The following BRAT1 variants were observed in gnomAD, a reference collection of about 807,000 sequenced individuals.
BRAT1 encodes the protein integrator complex assembly factor BRAT1.
A neutral mutation model predicts 70.6 loss-of-function variants in BRAT1; 74 were observed. The observed-to-expected ratio is 1.05, with a 90% CI of 0.87 to 1.27. The LOEUF (loss-of-function observed/expected upper bound fraction) is 1.27. Among genes scored for constraint, BRAT1 ranks in the 50% most tolerant of loss-of-function variants. The probability of loss-of-function intolerance (pLI) is 0.00; values close to 1 mark genes in which losing one functional copy is unlikely to be tolerated. For missense variants in BRAT1, 1,203 were observed against 1,098.2 expected, an observed-to-expected ratio of 1.10 and a Z score of -1.35; for synonymous variants, 615 against 517.1, an observed-to-expected ratio of 1.19 and a Z score of -2.57.
At chr7:2,549,179 C>G (rs1018423339) in intron 2 of BRAT1, among the ~76,000 whole-genome samples, 1 of 152,066 alleles carries the variant, frequency 6.6e-6, no homozygotes, top group South Asian at 2.1e-4. Flanking sequence ...AAATCCGGTT[C>G]TCATGTTAAA....
Position 2,538,101 on chromosome 7 carries a change from A to T in BRAT1, c.2434T>A (p.Phe812Ile). Reference protein sequence around the residue: ...LLQDMLATGGFLQGDEADCY With the variant: ...LLQDMLATGGILQGDEADCY Reference sequence around the variant, plus strand: ...CAGTCGGCCTCGTCCCCCTGCAGGAAGCCTCCCGTGGCCAGCATGTCCTGC... The same window carrying T: ...CAGTCGGCCTCGTCCCCCTGCAGGATGCCTCCCGTGGCCAGCATGTCCTGC... Residue 812 changes from phenylalanine to isoleucine, a missense_variant, in exon 14 of 14, where the codon TTC becomes ATC. Transcript: ENST00000340611. 1 of 1,585,080 alleles carries T rather than the reference A, an allele frequency of 6.3e-7. No individual in the cohort carries two copies. Among genetic ancestry groups the T allele is most frequent in the Non-Finnish European group, 8.6e-7 (1 of 1,160,298 alleles).
chr7:2,544,888 G>T, intron 4 of BRAT1, 21 bp downstream of exon 4: 1 of 1,548,126 alleles, frequency 6.5e-7, no homozygotes, highest in Non-Finnish European at 8.7e-7. Context: ...GAGGAATGGG[G>T]TGGGGTGTGG....
intron 3 of BRAT1, among the ~76,000 whole-genome samples, chr7:2,546,205 C>G (rs567919986): frequency 2.2e-4 from 34 of 152,296 alleles, no homozygotes; most frequent in Middle Eastern, 6.8e-3. Flanking sequence ...CTTTGGGAGG[C>G]CGAGGCAGGA....
chr7:2,543,488 T>G lies in BRAT1; in HGVS notation c.803+102A>C. 7 of 1,482,414 alleles carry G rather than the reference T, an allele frequency of 4.7e-6. No individual in the cohort carries two copies. The highest frequency in any genetic ancestry group is 6.3e-6 in the Non-Finnish European group (7 of 1,119,612). The allele number at this position is 1,482,414 out of a possible 1,614,324, so 91.8% of individuals were successfully genotyped here. A position where few individuals can be genotyped will look rare whatever the true frequency, so the allele number is the denominator to read the frequency against. On this transcript the variant is annotated intron_variant, in intron 5 of 13. Coordinates refer to ENST00000340611, the MANE Select transcript of BRAT1 (RefSeq NM_152743.4). This position sits in a 1 kb window ranked among gnomAD's most constrained non-coding sequence, Gnocchi z 5.5. ...CCCGGTGCCGCTTCACTGCAGGCCATGTCCTCAGAGAGTCTCCGGCTGCCA... is the reference window on the plus strand; with the variant it reads ...CCCGGTGCCGCTTCACTGCAGGCCAGGTCCTCAGAGAGTCTCCGGCTGCCA...
chr7:2,539,472 C>G, intron 12 of BRAT1, 72 bp downstream of exon 12: 1 of 1,499,652 alleles, frequency 6.7e-7, no homozygotes, highest in Non-Finnish European at 9.0e-7. Context: ...CAGCAAGAGG[C>G]TGCTGGTGCA....
rs531827528 is a variant in BRAT1 at position 2,543,827 on chromosome 7, C to A, written c.566G>T (p.Gly189Val). 6.3e-5 allele frequency: 101 copies of A among 1,612,374 alleles called. 2 individuals carry two copies. The Admixed American group carries it at 1.7e-3, about 26-fold the overall frequency. ...GAEGQPCLPGGDWPACAQKIM... is the reference protein window; with the variant it reads ...GAEGQPCLPGVDWPACAQKIM... ...CTTCTGGGCACACGCGGGCCAGTCA[C>A]CCCCCGGCAGGCAGGGCTGCCCCTC... The change falls in exon 5 of 14, where the codon GGT (glycine) becomes GTT (valine). Residue 189 changes from glycine (G) to valine (V), a missense_variant. Coordinates refer to ENST00000340611, the MANE Select transcript of BRAT1 (RefSeq NM_152743.4). The surrounding 1 kb of genome is among the most constrained non-coding windows in gnomAD (Gnocchi z 5.5).
intron 4 of BRAT1, 125 bp from the exon 5 acceptor site, chr7:2,544,087 C>T: frequency 1.3e-6 from 1 of 756,422 alleles, no homozygotes; most frequent in Non-Finnish European, 1.9e-6. Flanking sequence ...AATGCCTCTC[C>T]ACTCAAAAGC....
chr7:2,539,754 G>C, intron 11 of BRAT1, 32 bp downstream of exon 11: 1 of 1,587,208 alleles, frequency 6.3e-7, no homozygotes, highest in Non-Finnish European at 8.6e-7. Context: ...TGCGACTCCA[G>C]CTCCGTTCAC....
At chr7:2,542,097 C>A (rs1282590308) in intron 7 of BRAT1, 23 bp downstream of exon 7, 2 of 1,498,296 alleles carry the variant, frequency 1.3e-6, no homozygotes, top group Admixed American at 2.3e-5. Flanking sequence ...TTCTGCCCTC[C>A]CAGCCCTTTC....
intron 9 of BRAT1, 49 bp from the exon 10 acceptor site, chr7:2,541,101 C>CCT: frequency 6.7e-7 from 1 of 1,493,228 alleles, no homozygotes; most frequent in Non-Finnish European, 8.9e-7. Context: ...ACCCTAGGAC[C>CCT]CTCCCCATCA....
In BRAT1 at chr7:2,540,860, C is replaced by A. The variant is rs75654424; in HGVS notation, c.1395+119G>T. The A allele has an allele frequency of 0.014, 14,952 of 1,065,272 alleles. 142 individuals are homozygous for A. The highest frequency in any genetic ancestry group is 0.016 in the Non-Finnish European group (12,355 of 778,960). 66.0% of individuals were successfully genotyped at this position (1,065,272 alleles called of 1,614,324 possible). A position where few individuals can be genotyped will look rare whatever the true frequency, so the allele number is the denominator to read the frequency against. On this transcript the variant is annotated intron_variant, in intron 10 of 13. Coordinates refer to ENST00000340611, the MANE Select transcript of BRAT1 (RefSeq NM_152743.4). ...TCGTGAAGCTCTCTGAGCAGCAGCT[C>A]TGTGGCCCTGTGTGAAGGCCCCATC...
At chr7:2,545,363 CAAAAAAAAAAAA>C (rs1185029266) in intron 3 of BRAT1, among the ~76,000 whole-genome samples, 4 of 25,134 alleles carry the variant, frequency 1.6e-4, no homozygotes, top group South Asian at 2.6e-3. Flanking sequence ...GACTCCATCT[CAAAAAAAAAAAA>C]AAAAAAAAAA....
chr7:2,554,861 T>C (rs1780298460), intron 1 of BRAT1, among the ~76,000 whole-genome samples: 1 of 152,142 alleles, frequency 6.6e-6, no homozygotes, highest in Non-Finnish European at 1.5e-5. Flanking sequence ...AGGGCCAGCC[T>C]GGGCTGGAAA....
At position 2,538,011 on chromosome 7, in the gene BRAT1, G is replaced by A. The variant is rs1043297; in HGVS notation, c.*58C>T. On this transcript the variant is annotated 3_prime_UTR_variant, in exon 14 of 14. Transcript: ENST00000340611. ...GCCCTGGGGCTGGCAGTGTCCCACA[G>A]AAGGACATGGTGCTGCCTCCCTTGG... 5.8e-5 allele frequency: 86 copies of A among 1,480,714 alleles called. No individual in the cohort carries two copies. In the East Asian group the frequency reaches 1.9e-3, roughly 32 times the overall value. 91.7% of individuals were successfully genotyped at this position (1,480,714 alleles called of 1,614,324 possible).
chr7:2,546,072 C>G (rs1240331326), intron 3 of BRAT1, among the ~76,000 whole-genome samples: 1 of 152,240 alleles, frequency 6.6e-6, no homozygotes, highest in Non-Finnish European at 1.5e-5. Context: ...CCGACAGACT[C>G]AGCGGTGCCT....
intron 2 of BRAT1, among the ~76,000 whole-genome samples, chr7:2,552,894 C>T (rs1394772850): frequency 7.0e-6 from 1 of 143,442 alleles, no homozygotes; most frequent in African/African-American, 2.8e-5. Flanking sequence ...CCCACCACCA[C>T]GTCTGGCTAT....
chr7:2,538,935 G>A, intron 13 of BRAT1, 171 bp from the exon 14 acceptor site: 1 of 1,452,336 alleles, frequency 6.9e-7, no homozygotes, highest in Non-Finnish European at 9.0e-7. Context: ...CCAATCCTCA[G>A]TTTACCCATC....
At chr7:2,555,281 G>A (rs1408772649) in intron 1 of BRAT1, among the ~76,000 whole-genome samples, 2 of 152,090 alleles carry the variant, frequency 1.3e-5, no homozygotes, top group Admixed American at 6.5e-5. Context: ...CCCACACTTT[G>A]AAGTCAGTTT....
At chr7:2,548,135 C>T (rs547131791) in intron 2 of BRAT1, among the ~76,000 whole-genome samples, 1 of 151,916 alleles carries the variant, frequency 6.6e-6, no homozygotes, top group East Asian at 1.9e-4. Flanking sequence ...TTTTCACCTT[C>T]CAAATGGGTA....
Sources: allele counts gnomAD v4.1 joint callset (sites outside exome capture counted in the v4.1 genomes callset), GRCh38; gene constraint gnomAD v4.1.1; non-coding constraint Gnocchi (gnomAD v3.1); transcripts MANE v1.5; gene names NCBI Gene and HGNC (gene_info 2026-07-23, HGNC 2026-07-21).